CCDC33: variants seen among roughly 807,000 people sequenced by gnomAD.
CCDC33 encodes the protein coiled-coil domain containing 33.
In CCDC33, 94 loss-of-function variants were observed where a neutral mutation model predicts 91.9. The observed-to-expected ratio is 1.02, with a 90% CI of 0.87 to 1.21. The LOEUF (loss-of-function observed/expected upper bound fraction) is 1.21. CCDC33 is among the 50% of genes most tolerant of loss of function. The probability of loss-of-function intolerance (pLI) is 0.00; values close to 1 mark genes in which losing one functional copy is unlikely to be tolerated. For missense variants in CCDC33, 940 were observed against 935.5 expected, an observed-to-expected ratio of 1.00 and a Z score of -0.06; for synonymous variants, 396 against 374.5, an observed-to-expected ratio of 1.06 and a Z score of -0.66.
chr15:74,276,229 G>A (rs1303355917), intron 7 of CCDC33, among the ~76,000 whole-genome samples: 1 of 152,224 alleles, frequency 6.6e-6, no homozygotes, highest in Non-Finnish European at 1.5e-5. Context: ...GTGGCCCTCA[G>A]TGGAGCCTGG....
At chr15:74,239,303 C>A (rs1177940285) in intron 1 of CCDC33, among the ~76,000 whole-genome samples, 2 of 152,168 alleles carry the variant, frequency 1.3e-5, no homozygotes, top group African/African-American at 4.8e-5. Context: ...AGTTAAGCAC[C>A]CCCCAACCCA....
upstream of CCDC33, among the ~76,000 whole-genome samples, chr15:74,232,708 C>G (rs16967093): frequency 0.02 from 3,008 of 152,336 alleles, 103 homozygotes; most frequent in African/African-American, 0.069. Flanking sequence ...GGTTCCCGTC[C>G]TTATCCAGTG....
intron 10 of CCDC33, among the ~76,000 whole-genome samples, chr15:74,293,268 C>T (rs571699147): frequency 2.0e-5 from 3 of 152,326 alleles, no homozygotes; most frequent in African/African-American, 7.2e-5. Context: ...TAGAGATTGG[C>T]TTTCTGCCTG....
rs930440429 is a variant in CCDC33 at position 74,333,771 on chromosome 15, G to A, written c.1939-110G>A. 3.4e-5 allele frequency: 28 copies of A among 822,526 alleles called. No homozygotes were observed. In the African/African-American group the frequency reaches 4.0e-4, roughly 12 times the overall value. The allele number at this position is 822,526 out of a possible 1,614,324, so 51.0% of individuals were successfully genotyped here. On this transcript the variant is annotated intron_variant, in intron 16 of 18. Coordinates refer to ENST00000398814, the MANE Select transcript of CCDC33 (RefSeq NM_025055.5). ...TCTGACGCTCTGCCTCGGGAGCTCA[G>A]TCTGAACTCAGGCCTGACTGGTTTC... is the stretch of plus-strand genomic sequence containing the variant.
chr15:74,211,903 C>T (rs1279487760), intron 2 of CCDC33, among the ~76,000 whole-genome samples: 1 of 152,028 alleles, frequency 6.6e-6, no homozygotes, highest in South Asian at 2.1e-4. Context: ...TGTGTTTTCT[C>T]TCTATCACTC....
chr15:74,223,336 C>A (rs2074668772), intron 2 of CCDC33, among the ~76,000 whole-genome samples: 1 of 152,108 alleles, frequency 6.6e-6, no homozygotes, highest in South Asian at 2.1e-4. Context: ...AAGGTGAGAA[C>A]AGGTTAGATC....
At chr15:74,328,395 C>T (rs2060353951) in intron 11 of CCDC33, among the ~76,000 whole-genome samples, 1 of 152,238 alleles carries the variant, frequency 6.6e-6, no homozygotes, top group South Asian at 2.1e-4. Flanking sequence ...CACCAGGCAT[C>T]TCCGTGTGAG....
chr15:74,264,597 G>A (rs2076119550), intron 3 of CCDC33, among the ~76,000 whole-genome samples: 1 of 152,152 alleles, frequency 6.6e-6, no homozygotes, highest in South Asian at 2.1e-4. Context: ...TGGCATAAGG[G>A]GCTTCAGCCT....
intron 2 of CCDC33, among the ~76,000 whole-genome samples, chr15:74,247,090 A>G (rs2075554494): frequency 6.6e-6 from 1 of 151,882 alleles, no homozygotes; most frequent in South Asian, 2.1e-4. Context: ...GGTTGCAGTG[A>G]GCCAAGATTG....
chr15:74,254,296 G>A (rs146731350), intron 2 of CCDC33, among the ~76,000 whole-genome samples: 305 of 152,320 alleles, frequency 2.0e-3, no homozygotes, highest in Middle Eastern at 3.4e-3. Context: ...CTCCCAAAGT[G>A]CTGGGATTAC....
intron 1 of CCDC33, among the ~76,000 whole-genome samples, chr15:74,237,637 C>T (rs2075210013): frequency 6.6e-6 from 1 of 152,136 alleles, no homozygotes; most frequent in African/African-American, 2.4e-5. Context: ...GCAGACTCTG[C>T]CCTCCCCATT....
At chr15:74,255,885 CT>C (rs2075845949) in intron 2 of CCDC33, among the ~76,000 whole-genome samples, 1 of 152,254 alleles carries the variant, frequency 6.6e-6, no homozygotes, top group Non-Finnish European at 1.5e-5. Flanking sequence ...TTCTGAGGAG[CT>C]GCCACTGGCT....
chr15:74,258,421 G>A (rs1237818503), intron 2 of CCDC33, among the ~76,000 whole-genome samples: 6 of 152,178 alleles, frequency 3.9e-5, no homozygotes, highest in Non-Finnish European at 8.8e-5. Context: ...CCCAGGAGGC[G>A]GCCAGGTCTT....
chr15:74,253,684 G>A (rs989783861), intron 2 of CCDC33, among the ~76,000 whole-genome samples: 51 of 152,070 alleles, frequency 3.4e-4, no homozygotes, highest in African/African-American at 1.2e-3. Context: ...CAAAGTCAAT[G>A]TCTTCAGGGC....
intron 1 of CCDC33, among the ~76,000 whole-genome samples, chr15:74,203,828 C>T (rs1009213228): frequency 4.0e-5 from 6 of 151,516 alleles, no homozygotes; most frequent in Admixed American, 6.6e-5. Context: ...GGGGAGATTC[C>T]TGAAGAAAAG....
chr15:74,218,425 C>CT lies in CCDC33; in HGVS notation c.311-71dup. 8.2e-7 allele frequency: 1 copy of CT among 1,221,030 alleles called. No individual in the cohort carries two copies. The highest frequency in any genetic ancestry group is 2.7e-5 in the Admixed American group (1 of 36,962). 75.6% of individuals were successfully genotyped at this position (1,221,030 alleles called of 1,614,324 possible). On this transcript the variant is annotated intron_variant, in intron 1 of 2. Transcript: ENST00000635913. The surrounding 1 kb of genome is among the most constrained non-coding windows in gnomAD (Gnocchi z 4.8). Reference sequence around the variant, plus strand: ...AGCCCAGGTTTCCCCAGGGCCCTGCCTGTCCTCCTAGTCACCTGGCAGATG... The same window carrying CT: ...AGCCCAGGTTTCCCCAGGGCCCTGCCTTGTCCTCCTAGTCACCTGGCAGATG...
At chr15:74,225,012 G>C (rs1346655309) in intron 2 of CCDC33, among the ~76,000 whole-genome samples, 10 of 152,070 alleles carry the variant, frequency 6.6e-5, no homozygotes, top group Non-Finnish European at 1.5e-4. Context: ...GCCTCCATTA[G>C]CAGATTGTTG....
intron 2 of CCDC33, among the ~76,000 whole-genome samples, chr15:74,250,542 C>A (rs1425871013): frequency 6.6e-6 from 1 of 152,142 alleles, no homozygotes; most frequent in Non-Finnish European, 1.5e-5. Context: ...CAGATGAGGC[C>A]AAATCCTCCC....
intron 16 of CCDC33, chr15:74,333,278 C>A: frequency 1.2e-6 from 2 of 1,601,906 alleles, no homozygotes; most frequent in African/African-American, 1.3e-5. Flanking sequence ...ACAAGAGACG[C>A]ATGGCCCAGG....
Sources: allele counts gnomAD v4.1 joint callset (sites outside exome capture counted in the v4.1 genomes callset), GRCh38; gene constraint gnomAD v4.1.1; non-coding constraint Gnocchi (gnomAD v3.1); transcripts MANE v1.5; gene names NCBI Gene and HGNC (gene_info 2026-07-23, HGNC 2026-07-21).